The following LY75 variants were observed in gnomAD, a reference collection of about 807,000 sequenced individuals.
LY75 encodes the protein lymphocyte antigen 75.
In LY75, 185 loss-of-function variants were observed where a neutral mutation model predicts 231.7. That is an observed-to-expected ratio of 0.80 (90% CI 0.71 to 0.90). The LOEUF is 0.90. Among genes scored for constraint, LY75 ranks in the 40% least tolerant of loss-of-function variants. The pLI, the probability that LY75 is intolerant of heterozygous loss-of-function variation, is 0.00. For synonymous variants in LY75, 668 were observed against 689.0 expected (o/e 0.97, Z 0.48); for missense variants, 1,947 against 2,050.2 (o/e 0.95, Z 0.97).
intron 13 of LY75, among the ~76,000 whole-genome samples, chr2:159,867,395 C>T (rs1304446149): frequency 2.0e-5 from 3 of 152,122 alleles, no homozygotes; most frequent in Non-Finnish European, 4.4e-5. Context: ...GATCATTGCA[C>T]ACTTCCAATG....
intron 32 of LY75, 105 bp downstream of exon 32, chr2:159,810,421 C>T: frequency 6.8e-7 from 1 of 1,467,646 alleles, no homozygotes; most frequent in South Asian, 1.4e-5. Flanking sequence ...ATGGAAAGTG[C>T]TTTAAAAATA....
In LY75 at chr2:159,886,477, C is replaced by T. The variant is rs1051655414; in HGVS notation, c.856G>A (p.Ala286Thr). Reference protein sequence around the residue: ...FWIGLNQLYSARGWEWSDHKP... With the variant: ...FWIGLNQLYSTRGWEWSDHKP... ...TGGTCTGACCATTCCCAGCCTCTAG[C>T]AGAGTATAGCTGATTTAAACCAATC... Residue 286 changes from alanine to threonine, a missense_variant, in exon 5 of 35, where the codon GCT (alanine) becomes ACT (threonine). Ala to Thr is a moderately conservative substitution (Grantham distance 58). Transcript: ENST00000263636. 1.2e-6 allele frequency: 2 copies of T among 1,611,530 alleles called. No homozygotes were observed. Among genetic ancestry groups the T allele is most frequent in the African/African-American group, 2.7e-5 (2 of 74,830 alleles).
At chr2:159,890,590 T>C (rs904838276) in intron 3 of LY75, among the ~76,000 whole-genome samples, 17 of 152,188 alleles carry the variant, frequency 1.1e-4, no homozygotes, top group African/African-American at 3.9e-4. Context: ...CCACTCTTTC[T>C]TATTTTCCAT....
rs772784582 is a variant in LY75 at position 159,872,583 on chromosome 2, G to T, written c.1985C>A (p.Ala662Glu). Residue 662 changes from alanine (A) to glutamate (E), a missense_variant, in exon 13 of 35, where the codon GCA becomes GAA. Ala to Glu is a moderately radical substitution (Grantham distance 107). Coordinates refer to ENST00000263636, the MANE Select transcript of LY75 (RefSeq NM_002349.4). ...GTTCCTCTTTCTTACAATTCTTTCT[G>T]CATGGAATACCTTAGCAAAATATAA... ...ASLSCYKVFHAERIVRKRNWE... is the reference protein window; with the variant it reads ...ASLSCYKVFHEERIVRKRNWE... The T allele has an allele frequency of 1.2e-6, 2 of 1,613,362 alleles. No individual in the cohort carries two copies. Among genetic ancestry groups the T allele is most frequent in the Admixed American group, 1.7e-5 (1 of 59,860 alleles).
intron 8 of LY75, 148 bp downstream of exon 8, chr2:159,880,935 G>C (rs1384541842): frequency 1.1e-6 from 1 of 945,246 alleles, no homozygotes; most frequent in Non-Finnish European, 1.5e-6. Flanking sequence ...ATTCTTAACA[G>C]GTAATGGTCC....
chr2:159,808,042 A>G, intron 33 of LY75: 1 of 953,942 alleles, frequency 1.0e-6, no homozygotes, highest in Non-Finnish European at 1.2e-6. Flanking sequence ...GGGAATAACA[A>G]GAAGATAACT....
rs1449807286 is a variant in LY75 at position 159,850,028 on chromosome 2, A to G, written c.3102T>C (p.Ser1034=). 1.9e-6 allele frequency: 3 copies of G among 1,613,882 alleles called. No homozygotes were observed. The highest frequency in any genetic ancestry group is 1.3e-5 in the African/African-American group (1 of 74,938). Residue 1034 remains serine, a synonymous_variant, in exon 23 of 35, where the codon AGT becomes AGC. Coordinates refer to ENST00000263636, the MANE Select transcript of LY75 (RefSeq NM_002349.4). ...KWTDNRELTY[S]NFHPLLVSGR... Reference sequence around the variant, plus strand: ...CACTAACCAATAATGGGTGAAAGTTACTGTACGTCAGCTCTCTGTTATCTG... The same window carrying G: ...CACTAACCAATAATGGGTGAAAGTTGCTGTACGTCAGCTCTCTGTTATCTG...
chr2:159,817,683 T>A (rs1307348246), intron 29 of LY75, among the ~76,000 whole-genome samples: 2 of 152,130 alleles, frequency 1.3e-5, no homozygotes, highest in South Asian at 2.1e-4. Flanking sequence ...GGAGAAAGTA[T>A]GGAAGTGCTA....
At position 159,882,273 on chromosome 2, in the gene LY75, A is replaced by C. The variant is rs752174103; in HGVS notation, c.1097T>G (p.Leu366Arg). The change falls in exon 7 of 35, where the codon CTG becomes CGG. Residue 366 changes from leucine (L) to arginine (R), a missense_variant. Physicochemically the swap from Leu to Arg is moderately radical, Grantham distance 102. Transcript: ENST00000263636. Reference sequence around the variant, plus strand: ...CAGATAGCAAAATCCATTATTTGGCAGCCAGCCTGCATCACAGCGGGTATC... The same window carrying C: ...CAGATAGCAAAATCCATTATTTGGCCGCCAGCCTGCATCACAGCGGGTATC... Reference protein sequence around the residue: ...YSDTRCDAGWLPNNGFCYLLV... With the variant: ...YSDTRCDAGWRPNNGFCYLLV... 7 of 1,613,926 alleles carry C rather than the reference A, an allele frequency of 4.3e-6. No homozygotes were observed. The South Asian group carries it at 7.7e-5, about 18-fold the overall frequency.
chr2:159,810,612 C>G lies in LY75; in HGVS notation c.4613G>C (p.Arg1538Pro). Residue 1538 changes from arginine to proline, a missense_variant, in exon 32 of 35, where the codon CGG becomes CCG. Coordinates refer to ENST00000263636, the MANE Select transcript of LY75 (RefSeq NM_002349.4). ...ACAGTGACCCTTGTACTGGATCCAC[C>G]GTGACCCATTCTCTTTTGCTGCTGG... is the stretch of plus-strand genomic sequence containing the variant. ...RCPAAKENGS[R>P]WIQYKGHCYK... 1 of 1,614,052 alleles carries G rather than the reference C, an allele frequency of 6.2e-7. No individual in the cohort carries two copies. The highest frequency in any genetic ancestry group is 8.5e-7 in the Non-Finnish European group (1 of 1,179,968).
At chr2:159,867,023 G>A (rs531960266) in intron 13 of LY75, among the ~76,000 whole-genome samples, 2 of 152,164 alleles carry the variant, frequency 1.3e-5, no homozygotes, top group East Asian at 3.9e-4. Flanking sequence ...CTGCTTTCAA[G>A]CCCATTTCTG....
chr2:159,891,326 C>T (rs1361000482), intron 3 of LY75, among the ~76,000 whole-genome samples: 3 of 152,164 alleles, frequency 2.0e-5, no homozygotes, highest in Non-Finnish European at 2.9e-5. Context: ...TCTTGTTGAT[C>T]CTCTGATGGC....
At chr2:159,844,090 A>G (rs1211344862) in intron 23 of LY75, among the ~76,000 whole-genome samples, 1 of 152,138 alleles carries the variant, frequency 6.6e-6, no homozygotes, top group Non-Finnish European at 1.5e-5. Flanking sequence ...AAAGATGGAA[A>G]GCTACCCAGT....
chr2:159,809,968 G>A (rs1032650289), intron 32 of LY75, among the ~76,000 whole-genome samples: 1 of 151,824 alleles, frequency 6.6e-6, no homozygotes, highest in Non-Finnish European at 1.5e-5. Flanking sequence ...GTGAGCCACC[G>A]CACCCAGCCA....
chr2:159,821,626 AAAAAAAGAAAAG>A (rs969399906), intron 28 of LY75, among the ~76,000 whole-genome samples: 9 of 86,390 alleles, frequency 1.0e-4, no homozygotes, highest in Non-Finnish European at 2.0e-4. Context: ...TCTCAAAAAA[AAAAAAAGAAAAG>A]AAAAGAAAGA....
chr2:159,885,823 A>C (rs1047723794), intron 5 of LY75, among the ~76,000 whole-genome samples: 2 of 152,188 alleles, frequency 1.3e-5, no homozygotes, highest in African/African-American at 4.8e-5. Flanking sequence ...TTATACTGAA[A>C]TTAGTGTTAA....
chr2:159,875,481 C>T lies in LY75; in HGVS notation c.1937G>A (p.Gly646Asp). ...AAGACTTGCGGGGAAACTCTGCCAGCCTTCAGGACAGGGGTCATCAGGCTT... is the reference window on the plus strand; with the variant it reads ...AAGACTTGCGGGGAAACTCTGCCAGTCTTCAGGACAGGGGTCATCAGGCTT... ...SPKPDDPCPE[G>D]WQSFPASLSC... Residue 646 changes from glycine (G) to aspartate (D), a missense_variant, in exon 12 of 35, where the codon GGC (glycine) becomes GAC (aspartate). Gly to Asp is a moderately conservative substitution (Grantham distance 94, BLOSUM62 -1). Coordinates refer to ENST00000263636, the MANE Select transcript of LY75 (RefSeq NM_002349.4). The T allele has an allele frequency of 6.2e-7, 1 of 1,613,692 alleles. No homozygotes were observed. The highest frequency in any genetic ancestry group is 1.1e-5 in the South Asian group (1 of 91,010).
intron 14 of LY75, among the ~76,000 whole-genome samples, chr2:159,864,553 T>C (rs1684802667): frequency 6.6e-6 from 1 of 152,184 alleles, no homozygotes; most frequent in Non-Finnish European, 1.5e-5. Flanking sequence ...TGGCTATAAA[T>C]ATATGGATGT....
chr2:159,868,093 C>T (rs571792535), intron 13 of LY75, among the ~76,000 whole-genome samples: 1 of 152,260 alleles, frequency 6.6e-6, no homozygotes, highest in South Asian at 2.1e-4. Flanking sequence ...TTCCTTCTTT[C>T]CTTTAAGCCA....
Sources: gnomAD v4.1 joint callset for allele counts (sites outside exome capture counted in the v4.1 genomes callset) on GRCh38, gnomAD v4.1.1 for gene constraint, MANE v1.5 for transcripts, NCBI Gene and HGNC (gene_info 2026-07-23, HGNC 2026-07-21) for gene names.